Variants in RTN1 observed in about 807,000 individuals in gnomAD.
RTN1 encodes reticulon 1.
RTN1 carries 25 observed loss-of-function variants against 65.5 expected under a neutral mutation model. That is an observed-to-expected ratio of 0.38 (90% confidence interval 0.28 to 0.53). The LOEUF is 0.53. Ranked by LOEUF, RTN1 falls within the 20% of genes least tolerant of loss-of-function variation. The probability of loss-of-function intolerance (pLI) is 0.79; values close to 1 mark genes in which losing one functional copy is unlikely to be tolerated. For synonymous variants in RTN1, 471 were observed against 447.6 expected (o/e 1.05, Z -0.66); for missense variants, 983 against 1,025.4 (o/e 0.96, Z 0.57).
chr14:59,683,535 G>A (rs1231292121), intron 3 of RTN1, among the ~76,000 whole-genome samples: 2 of 151,752 alleles, frequency 1.3e-5, no homozygotes, highest in Admixed American at 1.3e-4. Context: ...TCCATTCACT[G>A]TAGAATTAAA....
rs1887873556 is a variant in RTN1, at chr14:59,870,308, C to T, written c.241+82G>A. On this transcript the variant is annotated intron_variant, in intron 1 of 8. Transcript: ENST00000267484. The surrounding 1 kb of genome is among the most constrained non-coding windows in gnomAD (Gnocchi z 5.1). The stretch of plus-strand genomic sequence containing the variant: ...CAAGGCAGAAAGCGCGAGGCAGGTG[C>T]CCAGGAGAGCCGCGCAGAAGGGGAC... The T allele has an allele frequency of 4.5e-6, 6 of 1,323,152 alleles. No homozygotes were observed. Among genetic ancestry groups the T allele is most frequent in the Non-Finnish European group, 9.7e-7 (1 of 1,032,298 alleles). The allele number at this position is 1,323,152 out of a possible 1,614,324, so 82.0% of individuals were successfully genotyped here. A position where few individuals can be genotyped will look rare whatever the true frequency, so the allele number is the denominator to read the frequency against.
At chr14:59,639,095 G>T (rs1882724452) in intron 3 of RTN1, among the ~76,000 whole-genome samples, 1 of 152,196 alleles carries the variant, frequency 6.6e-6, no homozygotes, top group Non-Finnish European at 1.5e-5. Flanking sequence ...GTGTCTGAGG[G>T]AATAAAGAGA....
At chr14:59,867,793 T>C (rs778891587) in intron 1 of RTN1, among the ~76,000 whole-genome samples, 3 of 152,182 alleles carry the variant, frequency 2.0e-5, no homozygotes, top group Non-Finnish European at 4.4e-5. Context: ...AAGTCTAAGT[T>C]ACTTCTTAGT....
chr14:59,693,672 T>C (rs1375044532), intron 3 of RTN1, among the ~76,000 whole-genome samples: 1 of 152,254 alleles, frequency 6.6e-6, no homozygotes, highest in Non-Finnish European at 1.5e-5. Context: ...TCCAGGTCAC[T>C]GTGAATGCCA....
At chr14:59,658,999 C>T (rs560493489) in intron 3 of RTN1, among the ~76,000 whole-genome samples, 13 of 152,032 alleles carry the variant, frequency 8.6e-5, no homozygotes, top group South Asian at 6.2e-4. Context: ...AAAGGTTAGA[C>T]GAATTGTTAA....
Position 59,642,228 on chromosome 14 carries a change from T to G in RTN1, c.1766-34736A>C, listed in dbSNP as rs1351237861. On this transcript the variant is annotated intron_variant, in intron 3 of 8. Coordinates refer to ENST00000267484, the MANE Select transcript of RTN1 (RefSeq NM_021136.3). ...AGTAATTAGTCTTTTTGTTGCTTCT[T>G]AGAAAGTAACTGTTATGACTGTTTT... Among the ~76,000 whole-genome samples the G allele has an allele frequency of 2.0e-5, 3 of 152,168 alleles. No individual in the cohort carries two copies. The South Asian group carries it at 6.2e-4, about 31-fold the overall frequency.
At position 59,663,314 on chromosome 14, in the gene RTN1, T is replaced by C. The variant is rs191020747; in HGVS notation, c.1766-55822A>G. 3.4e-4 allele frequency among the ~76,000 whole-genome samples: 51 copies of C among 152,176 alleles called. No individual in the cohort carries two copies. In the East Asian group the frequency reaches 5.0e-3, roughly 15 times the overall value. Reference sequence around the variant, plus strand: ...GTAAGACCTAAAACCATGAAAACACTAGAAGAAAACCTAGGACATAGGCTT... The same window carrying C: ...GTAAGACCTAAAACCATGAAAACACCAGAAGAAAACCTAGGACATAGGCTT... On this transcript the variant is annotated intron_variant, in intron 3 of 8. Transcript: ENST00000267484.
chr14:59,858,185 C>T (rs575027813), intron 1 of RTN1, among the ~76,000 whole-genome samples: 122 of 152,292 alleles, frequency 8.0e-4, no homozygotes, highest in African/African-American at 2.6e-3. Context: ...CTATTCCCCA[C>T]GTCTCCTACA....
At chr14:59,767,551 A>G (rs1197911392) in intron 1 of RTN1, among the ~76,000 whole-genome samples, 1 of 152,208 alleles carries the variant, frequency 6.6e-6, no homozygotes, top group Non-Finnish European at 1.5e-5. Flanking sequence ...TACCCTAACC[A>G]ATACAGCATG....
intron 1 of RTN1, among the ~76,000 whole-genome samples, chr14:59,865,363 A>C (rs1887780901): frequency 6.6e-6 from 1 of 152,198 alleles, no homozygotes; most frequent in African/African-American, 2.4e-5. Context: ...CAATTCCATG[A>C]GATGTAAAGT....
chr14:59,725,124 TA>T (rs1884730360), intron 3 of RTN1, among the ~76,000 whole-genome samples: 1 of 152,318 alleles, frequency 6.6e-6, no homozygotes, highest in African/African-American at 2.4e-5. Flanking sequence ...CCATAAAAGA[TA>T]CTCTGAAGCC....
Position 59,825,107 on chromosome 14 carries a change from T to C in RTN1, c.241+45283A>G, listed in dbSNP as rs774593834. On this transcript the variant is annotated intron_variant, in intron 1 of 8. Transcript: ENST00000267484. The surrounding 1 kb of genome is among the most constrained non-coding windows in gnomAD (Gnocchi z 4.2). The stretch of plus-strand genomic sequence containing the variant: ...AGTTAATAATACTATAGCGTACACG[T>C]GAAATTAACTTGTTCTAGAGAGCTG... Among the ~76,000 whole-genome samples the C allele has an allele frequency of 2.9e-4, 44 of 152,234 alleles. No homozygotes were observed. The highest frequency in any genetic ancestry group is 6.0e-4 in the Non-Finnish European group (41 of 68,034).
chr14:59,619,911 G>A (rs528643022), intron 3 of RTN1, among the ~76,000 whole-genome samples: 24 of 152,264 alleles, frequency 1.6e-4, no homozygotes, highest in East Asian at 1.2e-3. Context: ...GCACTGCTAT[G>A]AGTAGTGGGG....
chr14:59,864,630 G>C (rs985069019), intron 1 of RTN1, among the ~76,000 whole-genome samples: 2 of 151,798 alleles, frequency 1.3e-5, no homozygotes, highest in Admixed American at 1.3e-4. Flanking sequence ...CTTAGACAAA[G>C]CCTGACATAT....
intron 1 of RTN1, among the ~76,000 whole-genome samples, chr14:59,866,748 G>C (rs1460001438): frequency 6.6e-6 from 1 of 152,114 alleles, no homozygotes; most frequent in Non-Finnish European, 1.5e-5. Context: ...TAGAACTGTA[G>C]CTTTCTCAAA....
intron 2 of RTN1, among the ~76,000 whole-genome samples, chr14:59,743,185 C>A (rs1452848142): frequency 6.6e-6 from 1 of 152,200 alleles, no homozygotes; most frequent in East Asian, 1.9e-4. Flanking sequence ...TCATGTGAGC[C>A]AGATCTGCCT....
intron 1 of RTN1, among the ~76,000 whole-genome samples, chr14:59,830,637 T>A (rs918064271): frequency 3.3e-5 from 5 of 152,190 alleles, no homozygotes; most frequent in Admixed American, 6.5e-5. Context: ...TTAGGCCTTT[T>A]CAAATTAAGA....
chr14:59,647,985 A>G (rs1040684208), intron 3 of RTN1, among the ~76,000 whole-genome samples: 8 of 152,208 alleles, frequency 5.3e-5, no homozygotes, highest in African/African-American at 1.9e-4. Flanking sequence ...CCATGAAAAA[A>G]TAAGCAAATC....
intron 3 of RTN1, among the ~76,000 whole-genome samples, chr14:59,698,045 T>C (rs1444397286): frequency 1.3e-5 from 2 of 152,208 alleles, no homozygotes; most frequent in Admixed American, 6.5e-5. Flanking sequence ...AAGGTTAATA[T>C]GAAAGTGATC....
Sources: allele counts gnomAD v4.1 joint callset (sites outside exome capture counted in the v4.1 genomes callset), GRCh38; gene constraint gnomAD v4.1.1; non-coding constraint Gnocchi (gnomAD v3.1); transcripts MANE v1.5; gene names NCBI Gene and HGNC (gene_info 2026-07-23, HGNC 2026-07-21).